The following RARB variants were observed in gnomAD, a reference collection of about 807,000 sequenced individuals.
RARB encodes HBV-activated protein.
A neutral mutation model predicts 51.9 loss-of-function variants in RARB; 17 were observed. That is an observed-to-expected ratio of 0.33 (90% confidence interval 0.22 to 0.49). RARB has a LOEUF of 0.49. RARB is among the 20% of genes least tolerant of loss of function. RARB has a pLI of 0.99. For synonymous variants in RARB, 215 were observed against 195.4 expected (o/e 1.10, Z -0.84); for missense variants, 369 against 550.8 (o/e 0.67, Z 3.30).
At chr3:25,149,463 C>G (rs321536) in intron 4 of RARB, among the ~76,000 whole-genome samples, 24,889 of 152,188 alleles carry the variant, frequency 0.16, 2,178 homozygotes, top group South Asian at 0.25. Flanking sequence ...AGTGACTTCT[C>G]CAAACCATTT....
intron 2 of RARB, among the ~76,000 whole-genome samples, chr3:24,920,981 G>C (rs1695204929): frequency 6.6e-6 from 1 of 152,086 alleles, no homozygotes; most frequent in Non-Finnish European, 1.5e-5. Flanking sequence ...CTGGCCAATA[G>C]TTCCACTATT....
chr3:25,445,229 C>A (rs1708877459), intron 1 of RARB, among the ~76,000 whole-genome samples: 1 of 152,148 alleles, frequency 6.6e-6, no homozygotes, highest in African/African-American at 2.4e-5. Context: ...GGATTACAGG[C>A]ATGTGCCACC....
chr3:25,562,533 C>T lies in RARB; in HGVS notation c.449-7225C>T, dbSNP rs974245831. On this transcript the variant is annotated intron_variant, in intron 3 of 7. Coordinates refer to ENST00000330688, the MANE Select transcript of RARB (RefSeq NM_000965.5). ...CCAGAGGAAATGTACAAAGAAGCAC[C>T]GCCGGGTATGAAGGAAAGCATCTCA... Among the ~76,000 whole-genome samples the T allele has an allele frequency of 6.6e-5, 10 of 152,208 alleles. No homozygotes were observed. In the South Asian group the frequency reaches 1.5e-3, roughly 22 times the overall value.
chr3:25,219,751 C>G (rs149148541), intron 5 of RARB, among the ~76,000 whole-genome samples: 1 of 152,112 alleles, frequency 6.6e-6, no homozygotes, highest in African/African-American at 2.4e-5. Context: ...CAGGAAGTCC[C>G]GTTAGATTTG....
At chr3:25,377,311 A>G (rs761624689) in intron 5 of RARB, among the ~76,000 whole-genome samples, 3 of 152,182 alleles carry the variant, frequency 2.0e-5, no homozygotes, top group African/African-American at 7.2e-5. Context: ...TTGAGAAAAC[A>G]GTGTTCAGAA....
At chr3:25,549,975 G>T (rs1381456742) in intron 3 of RARB, among the ~76,000 whole-genome samples, 1 of 152,070 alleles carries the variant, frequency 6.6e-6, no homozygotes, top group Non-Finnish European at 1.5e-5. Flanking sequence ...GATTCTAGAT[G>T]ATCTCCAAGG....
chr3:25,118,996 T>C lies in RARB; in HGVS notation c.-327-13165T>C, dbSNP rs115091651. ...CAGCTTTGACCAATGTCATTCCCAG[T>C]ATAAGCTGAAAAAATATCATGCAGT... On this transcript the variant is annotated intron_variant, in intron 3 of 11. Coordinates refer to the RARB transcript ENST00000383772. Among the ~76,000 whole-genome samples, 806 of 152,258 alleles carry C rather than the reference T, an allele frequency of 5.3e-3. 4 individuals carry two copies. The highest frequency in any genetic ancestry group is 0.018 in the African/African-American group (757 of 41,558).
intron 4 of RARB, among the ~76,000 whole-genome samples, chr3:25,578,271 C>T (rs1180595155): frequency 1.3e-5 from 2 of 152,198 alleles, no homozygotes; most frequent in Non-Finnish European, 2.9e-5. Flanking sequence ...TATAATAAAA[C>T]ACCAGGTTAT....
At chr3:25,436,717 A>G (rs924379911) in intron 1 of RARB, among the ~76,000 whole-genome samples, 1 of 152,198 alleles carries the variant, frequency 6.6e-6, no homozygotes, top group East Asian at 1.9e-4. Flanking sequence ...TCCAGAGCTT[A>G]TCCTATCACC....
intron 2 of RARB, among the ~76,000 whole-genome samples, chr3:24,987,050 A>G (rs115571003): frequency 0.026 from 3,953 of 152,264 alleles, 158 homozygotes; most frequent in African/African-American, 0.086. Flanking sequence ...CTCTCAAAAA[A>G]CAATCTAATT....
intron 2 of RARB, among the ~76,000 whole-genome samples, chr3:24,936,965 G>A (rs1695559990): frequency 6.6e-6 from 1 of 152,178 alleles, no homozygotes; most frequent in Admixed American, 6.5e-5. Context: ...TATCTATGAG[G>A]AGCCTGGATA....
At chr3:25,018,253 GATCA>G (rs1697557342) in intron 2 of RARB, among the ~76,000 whole-genome samples, 4 of 56,078 alleles carry the variant, frequency 7.1e-5, no homozygotes, top group Non-Finnish European at 1.4e-4. Context: ...AATACAGTTA[GATCA>G]GATTTCCTGA....
chr3:24,918,603 C>A (rs1259842061), intron 2 of RARB, among the ~76,000 whole-genome samples: 1 of 152,178 alleles, frequency 6.6e-6, no homozygotes, highest in Non-Finnish European at 1.5e-5. Context: ...TAGACTAGGG[C>A]TGGGCACAGT....
chr3:25,082,238 A>T (rs1317540976), intron 3 of RARB, among the ~76,000 whole-genome samples: 3 of 151,940 alleles, frequency 2.0e-5, no homozygotes, highest in Non-Finnish European at 4.4e-5. Context: ...CCTTTTAATT[A>T]TTTAGTCTGT....
chr3:25,555,373 T>C (rs770323542), intron 3 of RARB, among the ~76,000 whole-genome samples: 49 of 152,172 alleles, frequency 3.2e-4, no homozygotes, highest in Admixed American at 2.1e-3. Context: ...TTTTTCTTCA[T>C]AACACTTATT....
chr3:25,245,451 C>A (rs1294615856), intron 5 of RARB, among the ~76,000 whole-genome samples: 1 of 152,102 alleles, frequency 6.6e-6, no homozygotes, highest in Non-Finnish European at 1.5e-5. Flanking sequence ...CCGGTTTTTC[C>A]TTTCCACATT....
At chr3:25,300,744 C>G (rs1196445384) in intron 5 of RARB, among the ~76,000 whole-genome samples, 2 of 152,110 alleles carry the variant, frequency 1.3e-5, no homozygotes, top group Admixed American at 6.5e-5. Context: ...AATCTCAGCA[C>G]TTTGGGAGGC....
intron 5 of RARB, among the ~76,000 whole-genome samples, chr3:25,251,673 C>G (rs1300341018): frequency 3.3e-5 from 5 of 152,130 alleles, no homozygotes; most frequent in South Asian, 4.1e-4. Flanking sequence ...TGAGAAAAGT[C>G]TATTCAAATA....
intron 5 of RARB, among the ~76,000 whole-genome samples, chr3:25,404,786 T>C (rs1430955844): frequency 1.3e-5 from 2 of 152,192 alleles, no homozygotes. Flanking sequence ...GTGAAGATTT[T>C]TGTGGTTTCT....
Sources: gnomAD v4.1 joint callset for allele counts (sites outside exome capture counted in the v4.1 genomes callset) on GRCh38, gnomAD v4.1.1 for gene constraint, MANE v1.5 for transcripts, NCBI Gene and HGNC (gene_info 2026-07-23, HGNC 2026-07-21) for gene names.